Variants in EXT1 observed in about 807,000 individuals in gnomAD.
EXT1 encodes exostosin glycosyltransferase 1, also known as exostosin-1.
EXT1 carries 20 observed loss-of-function variants against 82.5 expected under a neutral mutation model. The ratio of observed to expected loss-of-function variants is 0.24; its 90% CI spans 0.17 to 0.35. The LOEUF (loss-of-function observed/expected upper bound fraction) is 0.35, where lower values mean the gene tolerates loss of function less well. Among genes scored for constraint, EXT1 ranks in the 10% least tolerant of loss-of-function variants. EXT1 has a pLI of 1.00. For synonymous variants in EXT1, 348 were observed against 350.8 expected (o/e 0.99, Z 0.09); for missense variants, 757 against 936.5 (o/e 0.81, Z 2.50).
At chr8:117,984,149 T>G (rs577880147) in intron 1 of EXT1, among the ~76,000 whole-genome samples, 1 of 152,124 alleles carries the variant, frequency 6.6e-6, no homozygotes. Context: ...CCGAGCACAG[T>G]GGCTCACACC....
chr8:117,825,072 A>T lies in EXT1; in HGVS notation c.1285-2475T>A, dbSNP rs117199483. ...TTTTTTGTAGAGATAAGGTCTCATT[A>T]TGTTGCTCAGGCTGGACTCAAACTC... is the stretch of plus-strand genomic sequence containing the variant. On this transcript the variant is annotated intron_variant, in intron 4 of 10. Coordinates refer to ENST00000378204, the MANE Select transcript of EXT1 (RefSeq NM_000127.3). Among the ~76,000 whole-genome samples the T allele has an allele frequency of 1.3e-4, 20 of 152,056 alleles. No homozygotes were observed. In the East Asian group the frequency reaches 3.9e-3, roughly 29 times the overall value.
At chr8:118,072,902 G>A (rs891646186) in intron 1 of EXT1, among the ~76,000 whole-genome samples, 1 of 152,194 alleles carries the variant, frequency 6.6e-6, no homozygotes, top group Non-Finnish European at 1.5e-5. Context: ...ACCCAAGGCA[G>A]GTAGGTCTAC....
intron 1 of EXT1, among the ~76,000 whole-genome samples, chr8:117,855,830 G>A (rs1238975633): frequency 6.6e-6 from 1 of 152,098 alleles, no homozygotes; most frequent in African/African-American, 2.4e-5. Context: ...CACCATGCCT[G>A]GCTAATTTTT....
At chr8:117,905,198 T>C (rs1045462923) in intron 1 of EXT1, among the ~76,000 whole-genome samples, 1 of 152,178 alleles carries the variant, frequency 6.6e-6, no homozygotes, top group Non-Finnish European at 1.5e-5. Flanking sequence ...GAGACCTAGA[T>C]TCAAATCTAG....
At chr8:117,936,964 T>G (rs1814176916) in intron 1 of EXT1, among the ~76,000 whole-genome samples, 1 of 152,190 alleles carries the variant, frequency 6.6e-6, no homozygotes, top group Non-Finnish European at 1.5e-5. Context: ...CAGAGCATTC[T>G]GATTAACCCA....
chr8:118,065,689 G>C (rs1816972821), intron 1 of EXT1, among the ~76,000 whole-genome samples: 1 of 152,206 alleles, frequency 6.6e-6, no homozygotes, highest in South Asian at 2.1e-4. Flanking sequence ...GCTAAAGGTA[G>C]TTTTAGTCAT....
chr8:117,923,224 A>T (rs1813890005), intron 1 of EXT1, among the ~76,000 whole-genome samples: 1 of 152,078 alleles, frequency 6.6e-6, no homozygotes, highest in Admixed American at 6.6e-5. Context: ...TAGCTGGCTG[A>T]GGCAGGGAAT....
chr8:117,889,386 C>A (rs1045106508), intron 1 of EXT1, among the ~76,000 whole-genome samples: 1 of 152,192 alleles, frequency 6.6e-6, no homozygotes, highest in African/African-American at 2.4e-5. Context: ...ACACATTCAA[C>A]AAATTTAGCT....
rs547545540 is a variant in EXT1, at chr8:117,832,219, A to G, written c.1165-1870T>C. Among the ~76,000 whole-genome samples the G allele has an allele frequency of 4.6e-5, 7 of 152,286 alleles. No homozygotes were observed. The South Asian group carries it at 1.2e-3, about 27-fold the overall frequency. On this transcript the variant is annotated intron_variant, in intron 3 of 10. Coordinates refer to ENST00000378204, the MANE Select transcript of EXT1 (RefSeq NM_000127.3). ...TCACTGTTTTATCGTAGCCACAAGG[A>G]AACAGTCTATTAGAAAAATGCCTAA...
At chr8:117,879,896 T>A (rs1813032641) in intron 1 of EXT1, among the ~76,000 whole-genome samples, 1 of 152,238 alleles carries the variant, frequency 6.6e-6, no homozygotes, top group African/African-American at 2.4e-5. Context: ...TAAGGTGTGC[T>A]TTGGATGAGT....
At chr8:117,812,831 C>T in intron 8 of EXT1, 41 bp downstream of exon 8, 1 of 1,563,874 alleles carries the variant, frequency 6.4e-7, no homozygotes, top group Non-Finnish European at 8.8e-7. Context: ...AGGTGACTGC[C>T]TGAACAGCCC....
At chr8:117,812,755 TTTTGAA>T in intron 8 of EXT1, 111 bp downstream of exon 8, 1 of 975,584 alleles carries the variant, frequency 1.0e-6, no homozygotes, top group Non-Finnish European at 1.6e-6. Flanking sequence ...CTGTAGGAAG[TTTTGAA>T]AAATGTTTTC....
intron 1 of EXT1, among the ~76,000 whole-genome samples, chr8:117,844,585 T>C (rs1290501698): frequency 1.3e-5 from 2 of 152,160 alleles, no homozygotes; most frequent in Non-Finnish European, 2.9e-5. Flanking sequence ...TGGGTCCAAC[T>C]GGCCACTGTT....
intron 4 of EXT1, among the ~76,000 whole-genome samples, chr8:117,827,926 T>G (rs1001625661): frequency 6.6e-6 from 1 of 150,502 alleles, no homozygotes; most frequent in African/African-American, 2.5e-5. Flanking sequence ...TTTACTGCAA[T>G]GATGTACATA....
chr8:117,932,017 ATTAT>A (rs1210744050), intron 1 of EXT1, among the ~76,000 whole-genome samples: 3 of 152,248 alleles, frequency 2.0e-5, no homozygotes, highest in African/African-American at 7.2e-5. Flanking sequence ...AATGTAACTT[ATTAT>A]GCACAAATAC....
chr8:117,856,950 A>G (rs1278610184), intron 1 of EXT1, among the ~76,000 whole-genome samples: 1 of 152,112 alleles, frequency 6.6e-6, no homozygotes, highest in Admixed American at 6.5e-5. Context: ...TACCACTCCA[A>G]AAATCCTAGG....
chr8:118,097,861 G>A (rs17454246), intron 1 of EXT1, among the ~76,000 whole-genome samples: 1 of 152,156 alleles, frequency 6.6e-6, no homozygotes, highest in East Asian at 1.9e-4. Context: ...TAACTGAATG[G>A]AAAACCACAG....
chr8:118,081,178 C>T (rs1317855145), intron 1 of EXT1, among the ~76,000 whole-genome samples: 1 of 152,140 alleles, frequency 6.6e-6, no homozygotes, highest in Admixed American at 6.6e-5. Context: ...AAAAGGATAT[C>T]AAATACTCAT....
At chr8:117,960,288 A>G (rs1337707155) in intron 1 of EXT1, among the ~76,000 whole-genome samples, 1 of 152,226 alleles carries the variant, frequency 6.6e-6, no homozygotes, top group Non-Finnish European at 1.5e-5. Context: ...TTTGTCTTCA[A>G]ATTTAGTGCA....
Sources: gnomAD v4.1 joint callset for allele counts (sites outside exome capture counted in the v4.1 genomes callset) on GRCh38, gnomAD v4.1.1 for gene constraint, MANE v1.5 for transcripts, NCBI Gene and HGNC (gene_info 2026-07-23, HGNC 2026-07-21) for gene names.